Variants in KCNA6 observed in about 807,000 individuals in gnomAD.
KCNA6 encodes the protein human brain potassium channel-2.
A neutral mutation model predicts 29.5 loss-of-function variants in KCNA6; 17 were observed. That is an observed-to-expected ratio of 0.58 (90% CI 0.39 to 0.86). The LOEUF (loss-of-function observed/expected upper bound fraction) is 0.86, where lower values mean the gene tolerates loss of function less well. KCNA6 is among the 40% of genes least tolerant of loss of function. The pLI, the probability that KCNA6 is intolerant of heterozygous loss-of-function variation, is 0.00. For synonymous variants in KCNA6, 296 were observed against 304.7 expected (o/e 0.97, Z 0.30); for missense variants, 450 against 703.4 (o/e 0.64, Z 4.07).
the KCNA6 span, chr12:4,838,890 T>G: frequency 6.6e-6 from 1 of 152,216 alleles, no homozygotes; most frequent in Non-Finnish European, 1.5e-5. Flanking sequence ...TATGACCTCA[T>G]GTAACCTTAA....
the KCNA6 span, among the ~76,000 whole-genome samples, chr12:4,834,477 C>G: frequency 1.3e-5 from 2 of 152,122 alleles, no homozygotes; most frequent in African/African-American, 2.4e-5. Context: ...AAGGTCATGT[C>G]TAGATGGCAG....
exon 1 of KCNA6, chr12:4,812,803 C>G (rs1946644722): frequency 6.0e-6 from 1 of 167,094 alleles, no homozygotes; most frequent in South Asian, 2.1e-4. Flanking sequence ...TGCCAACAGC[C>G]TCACTCTAAG....
At chr12:4,812,549 A>G (rs546717809) in exon 1 of KCNA6, 1 of 167,188 alleles carries the variant, frequency 6.0e-6, no homozygotes, top group African/African-American at 2.4e-5. Context: ...TGTTTTCTCA[A>G]AGGGGCAGAG....
chr12:4,826,453 C>T, the KCNA6 span, among the ~76,000 whole-genome samples: 8 of 152,164 alleles, frequency 5.3e-5, no homozygotes, highest in Admixed American at 5.2e-4. Flanking sequence ...TTCTGTACAT[C>T]TTGAGCCATG....
At chr12:4,850,726 C>T in the KCNA6 span, 2 of 394,160 alleles carry the variant, frequency 5.1e-6, no homozygotes, top group Non-Finnish European at 1.0e-5. This position sits in a 1 kb window ranked among gnomAD's most constrained non-coding sequence, Gnocchi z 5.4. Flanking sequence ...TGTTCTGGTT[C>T]CTCCCTGGCA....
At chr12:4,832,380 A>G in the KCNA6 span, among the ~76,000 whole-genome samples, 1 of 152,198 alleles carries the variant, frequency 6.6e-6, no homozygotes. Context: ...ACTGGGTAAG[A>G]TAAAGTGAGA....
chr12:4,845,385 C>T, the KCNA6 span, among the ~76,000 whole-genome samples: 84,987 of 152,036 alleles, frequency 0.56, 24,266 homozygotes, highest in Middle Eastern at 0.6. Context: ...AACTTCCACC[C>T]TTGCTGCAAG....
the KCNA6 span, among the ~76,000 whole-genome samples, chr12:4,823,617 A>G: frequency 7.9e-5 from 12 of 152,108 alleles, no homozygotes; most frequent in African/African-American, 2.9e-4. Context: ...AAATACAAAA[A>G]TTAGCCAGGT....
chr12:4,835,555 C>T, the KCNA6 span, among the ~76,000 whole-genome samples: 4 of 152,208 alleles, frequency 2.6e-5, no homozygotes, highest in African/African-American at 9.6e-5. Flanking sequence ...CTTCAGCAGA[C>T]ACTCCCTATA....
At chr12:4,836,523 G>C in the KCNA6 span, among the ~76,000 whole-genome samples, 1 of 152,198 alleles carries the variant, frequency 6.6e-6, no homozygotes. Context: ...TTGAACAAAG[G>C]TATGGGGGTC....
chr12:4,824,514 T>C, the KCNA6 span, among the ~76,000 whole-genome samples: 1 of 152,208 alleles, frequency 6.6e-6, no homozygotes, highest in Non-Finnish European at 1.5e-5. Flanking sequence ...CAGCAGAGAA[T>C]ATCCAGGGAT....
In KCNA6 at chr12:4,811,508, G is replaced by A; in HGVS notation, c.1467G>A (p.Leu489=). The A allele has an allele frequency of 6.2e-7, 1 of 1,614,212 alleles. No homozygotes were observed. The highest frequency in any genetic ancestry group is 8.5e-7 in the Non-Finnish European group (1 of 1,180,032). Reference sequence around the variant, plus strand: ...CTTGTGGGCAGCCTGCGCCGGACCTGAGGGCAACTGACAACGGACTTGGCA... The same window carrying A: ...CTTGTGGGCAGCCTGCGCCGGACCTAAGGGCAACTGACAACGGACTTGGCA... Residue 489 remains leucine (L), a synonymous_variant, in exon 1 of 1, where the codon CTG becomes CTA. Coordinates refer to ENST00000280684, the Ensembl canonical transcript of KCNA6. The surrounding 1 kb of genome is among the most constrained non-coding windows in gnomAD (Gnocchi z 7.1).
At chr12:4,834,340 G>C in the KCNA6 span, among the ~76,000 whole-genome samples, 1 of 152,200 alleles carries the variant, frequency 6.6e-6, no homozygotes. Flanking sequence ...GGAACCGGTA[G>C]GGTGCAGAAG....
At chr12:4,815,251 C>T (rs1946671163), downstream of KCNA6, among the ~76,000 whole-genome samples, 1 of 152,176 alleles carries the variant, frequency 6.6e-6, no homozygotes, top group Non-Finnish European at 1.5e-5. Context: ...TGTAGGACAG[C>T]TGTGCTTGCT....
At position 4,810,781 on chromosome 12, in the gene KCNA6, G is replaced by T. The variant is rs1161169624; in HGVS notation, c.740G>T (p.Gly247Val). Reference sequence around the variant, plus strand: ...ACCCCTGGGGAAATGGGGACCGGGGGCTCCTCCTCACTCAGTACTCTTGGG... The same window carrying T: ...ACCCCTGGGGAAATGGGGACCGGGGTCTCCTCCTCACTCAGTACTCTTGGG... The change falls in exon 1 of 1, where the codon GGC becomes GTC. Residue 247 changes from glycine to valine, a missense_variant. Gly to Val is a moderately radical substitution (Grantham distance 109). Transcript: ENST00000280684. This position sits in a 1 kb window ranked among gnomAD's most constrained non-coding sequence, Gnocchi z 7.5. The T allele has an allele frequency of 1.3e-6, 2 of 1,595,006 alleles. No homozygotes were observed.
chr12:4,824,900 ATATC>A, the KCNA6 span, among the ~76,000 whole-genome samples: 1 of 152,262 alleles, frequency 6.6e-6, no homozygotes, highest in African/African-American at 2.4e-5. Context: ...CTCACTTAAT[ATATC>A]AATAGAGAAT....
the KCNA6 span, among the ~76,000 whole-genome samples, chr12:4,827,799 C>T: frequency 1.3e-5 from 2 of 152,230 alleles, no homozygotes; most frequent in Admixed American, 6.5e-5. Context: ...TGCTGCTTTT[C>T]GGTGTGTGTT....
the KCNA6 span, among the ~76,000 whole-genome samples, chr12:4,847,072 C>T: frequency 6.6e-6 from 1 of 152,046 alleles, no homozygotes; most frequent in Non-Finnish European, 1.5e-5. Context: ...ACGTGAGCCA[C>T]CACGCCCAGC....
the KCNA6 span, among the ~76,000 whole-genome samples, chr12:4,840,195 T>TTATC: frequency 0.011 from 1,691 of 150,184 alleles, 15 homozygotes; most frequent in South Asian, 0.021. Flanking sequence ...ATGATGATTA[T>TTATC]TATCTATCTA....
Sources: allele counts gnomAD v4.1 joint callset (sites outside exome capture counted in the v4.1 genomes callset), GRCh38; gene constraint gnomAD v4.1.1; non-coding constraint Gnocchi (gnomAD v3.1); transcripts MANE v1.5; gene names NCBI Gene and HGNC (gene_info 2026-07-23, HGNC 2026-07-21).